Variants in CFAP299 observed in about 807,000 individuals in gnomAD.
The protein encoded by CFAP299 is cilia and flagella associated protein 299, also known as cilia- and flagella-associated protein 299.
Under a neutral mutation model 27.0 loss-of-function variants are expected in CFAP299, and 21 were observed. The ratio of observed to expected loss-of-function variants is 0.78; its 90% confidence interval spans 0.55 to 1.12. CFAP299 has a LOEUF of 1.12. Among genes scored for constraint, CFAP299 ranks in the 50% most tolerant of loss-of-function variants. CFAP299 has a pLI of 0.00. For synonymous variants in CFAP299, 104 were observed against 98.1 expected, an observed-to-expected ratio of 1.06 and a Z score of -0.36; for missense variants, 310 against 276.6, an observed-to-expected ratio of 1.12 and a Z score of -0.86.
At chr4:80,522,503 T>G (rs1732973577) in intron 2 of CFAP299, among the ~76,000 whole-genome samples, 1 of 152,132 alleles carries the variant, frequency 6.6e-6, no homozygotes, top group African/African-American at 2.4e-5. Flanking sequence ...GTTTTTTAAT[T>G]TGATGTATTC....
At chr4:80,778,580 A>G (rs1726683413) in intron 3 of CFAP299, among the ~76,000 whole-genome samples, 1 of 152,086 alleles carries the variant, frequency 6.6e-6, no homozygotes, top group South Asian at 2.1e-4. Flanking sequence ...TACTGCTGGT[A>G]CAAATTACTT....
intron 2 of CFAP299, among the ~76,000 whole-genome samples, chr4:80,556,364 G>A (rs565055350): frequency 3.7e-4 from 56 of 152,092 alleles, no homozygotes; most frequent in African/African-American, 1.3e-3. Context: ...TGAAGACATG[G>A]TTGACAAGGA....
chr4:80,811,434 G>T (rs1475292309), intron 3 of CFAP299, among the ~76,000 whole-genome samples: 3 of 152,094 alleles, frequency 2.0e-5, no homozygotes, highest in Non-Finnish European at 2.9e-5. Context: ...TCCCGAATTT[G>T]CCATCTAGTT....
At chr4:80,788,986 C>A (rs1457865396) in intron 3 of CFAP299, among the ~76,000 whole-genome samples, 4 of 152,076 alleles carry the variant, frequency 2.6e-5, no homozygotes, top group Non-Finnish European at 5.9e-5. Flanking sequence ...CCCATATCTG[C>A]TCTCTTTGGC....
chr4:80,689,181 A>G (rs1469082483), intron 3 of CFAP299, among the ~76,000 whole-genome samples: 4 of 152,156 alleles, frequency 2.6e-5, no homozygotes, highest in Non-Finnish European at 5.9e-5. Flanking sequence ...AGATTCAGGA[A>G]ATACAGAGAA....
intron 3 of CFAP299, among the ~76,000 whole-genome samples, chr4:80,781,988 A>C (rs1399673225): frequency 6.6e-6 from 1 of 151,038 alleles, no homozygotes; most frequent in Non-Finnish European, 1.5e-5. Context: ...TGATAATAAT[A>C]TGTCTACTTC....
chr4:80,418,399 A>T (rs766096769), intron 2 of CFAP299, among the ~76,000 whole-genome samples: 1 of 152,238 alleles, frequency 6.6e-6, no homozygotes, highest in Non-Finnish European at 1.5e-5. Context: ...TATTTATAGG[A>T]TACAAAATAG....
intron 3 of CFAP299, among the ~76,000 whole-genome samples, chr4:80,775,598 C>A (rs1040368429): frequency 6.6e-6 from 1 of 150,768 alleles, no homozygotes; most frequent in African/African-American, 2.4e-5. Flanking sequence ...GACTACACTG[C>A]AAAATAAGAA....
At chr4:80,624,082 A>G (rs1000237271) in intron 3 of CFAP299, among the ~76,000 whole-genome samples, 5 of 152,208 alleles carry the variant, frequency 3.3e-5, no homozygotes, top group Non-Finnish European at 5.9e-5. Context: ...ATGTTGATGC[A>G]TGACTACAAA....
intron 4 of CFAP299, among the ~76,000 whole-genome samples, chr4:80,899,596 C>T (rs561714345): frequency 6.6e-6 from 1 of 152,276 alleles, no homozygotes; most frequent in South Asian, 2.1e-4. Context: ...ACCAAGTGAA[C>T]TTGAGAGAGG....
At chr4:80,551,785 A>G (rs554660860) in intron 2 of CFAP299, among the ~76,000 whole-genome samples, 1 of 151,274 alleles carries the variant, frequency 6.6e-6, no homozygotes, top group African/African-American at 2.4e-5. Flanking sequence ...GACTCGGTCT[A>G]TCACCAGGCT....
intron 3 of CFAP299, among the ~76,000 whole-genome samples, chr4:80,868,905 CTGTGTGTGTGTGTGTG>C (rs1184951626): frequency 6.5e-5 from 9 of 137,574 alleles, no homozygotes; most frequent in Non-Finnish European, 9.4e-5. Context: ...GCTTCTCTCT[CTGTGTGTGTGTGTGTG>C]TGTGTGTGTG....
chr4:80,807,023 A>G (rs1172678557), intron 3 of CFAP299, among the ~76,000 whole-genome samples: 1 of 152,192 alleles, frequency 6.6e-6, no homozygotes, highest in African/African-American at 2.4e-5. Flanking sequence ...TGAACTGTCA[A>G]GAATGTCAGC....
At chr4:80,364,959 G>C (rs770851147) in intron 2 of CFAP299, among the ~76,000 whole-genome samples, 6 of 152,146 alleles carry the variant, frequency 3.9e-5, no homozygotes, top group Non-Finnish European at 8.8e-5. Flanking sequence ...TGGCTGCATA[G>C]TATTCCATGG....
intron 2 of CFAP299, among the ~76,000 whole-genome samples, chr4:80,432,241 T>A (rs1231765402): frequency 1.3e-5 from 2 of 151,994 alleles, no homozygotes. Flanking sequence ...AACCTCCCCC[T>A]CCAGGGTTCA....
intron 3 of CFAP299, among the ~76,000 whole-genome samples, chr4:80,598,818 A>G (rs1737184902): frequency 1.3e-5 from 2 of 152,192 alleles, no homozygotes; most frequent in Admixed American, 6.5e-5. Flanking sequence ...CTGTTTCCTC[A>G]GATTTTCAAG....
At chr4:80,625,293 A>T (rs1033300886) in intron 3 of CFAP299, among the ~76,000 whole-genome samples, 15 of 151,844 alleles carry the variant, frequency 9.9e-5, no homozygotes, top group African/African-American at 3.1e-4. Flanking sequence ...ATGTGTGTGT[A>T]TGTTATCAAA....
chr4:80,417,085 T>C (rs552510992), intron 2 of CFAP299, among the ~76,000 whole-genome samples: 60 of 152,330 alleles, frequency 3.9e-4, no homozygotes, highest in Non-Finnish European at 7.5e-4. Flanking sequence ...TCATGAAGTT[T>C]CTGGAAAAGG....
chr4:80,924,503 G>T (rs1364750265), intron 4 of CFAP299, among the ~76,000 whole-genome samples: 1 of 145,412 alleles, frequency 6.9e-6, no homozygotes, highest in African/African-American at 2.7e-5. Context: ...ATAATCGTGT[G>T]ACAATTCATT....
Sources: gnomAD v4.1 joint callset for allele counts (sites outside exome capture counted in the v4.1 genomes callset) on GRCh38, gnomAD v4.1.1 for gene constraint, MANE v1.5 for transcripts, NCBI Gene and HGNC (gene_info 2026-07-23, HGNC 2026-07-21) for gene names.